TSNARE1: variants seen among roughly 807,000 people sequenced by gnomAD.
TSNARE1 encodes the protein t-SNARE domain-containing protein 1.
Under a neutral mutation model 62.0 loss-of-function variants are expected in TSNARE1, and 49 were observed. The ratio of observed to expected loss-of-function variants is 0.79; its 90% CI spans 0.63 to 1.00. TSNARE1 has a LOEUF of 1.00. Among genes scored for constraint, TSNARE1 ranks in the 50% least tolerant of loss-of-function variants. The pLI is 0.00. For synonymous variants in TSNARE1, 328 were observed against 294.4 expected (o/e 1.11, Z -1.17); for missense variants, 755 against 700.1 (o/e 1.08, Z -0.88).
At chr8:142,354,273 T>C (rs1216344445) in intron 2 of TSNARE1, among the ~76,000 whole-genome samples, 1 of 151,972 alleles carries the variant, frequency 6.6e-6, no homozygotes, top group South Asian at 2.1e-4. Context: ...CTGTACAGAG[T>C]GCAAAGTGCC....
At chr8:142,361,869 GCCGGGAGCCCTCAGCCGCGCCCCA>G (rs1402338760) in intron 1 of TSNARE1, among the ~76,000 whole-genome samples, 1 of 152,212 alleles carries the variant, frequency 6.6e-6, no homozygotes. Flanking sequence ...GCTGCAGACC[GCCGGGAGCCCTCAGCCGCGCCCCA>G]CCACAGGGAG....
chr8:142,371,673 G>T (rs1468396814), intron 1 of TSNARE1, among the ~76,000 whole-genome samples: 1 of 152,124 alleles, frequency 6.6e-6, no homozygotes, highest in African/African-American at 2.4e-5. Context: ...GTATCGAGGT[G>T]GTGGTTCCAG....
intron 12 of TSNARE1, among the ~76,000 whole-genome samples, chr8:142,231,025 A>G (rs1481728727): frequency 6.6e-6 from 1 of 151,972 alleles, no homozygotes; most frequent in Admixed American, 6.6e-5. Context: ...CCATCCATCC[A>G]TCTACCCACC....
chr8:142,378,746 G>T (rs890485057), intron 1 of TSNARE1, among the ~76,000 whole-genome samples: 3 of 152,210 alleles, frequency 2.0e-5, no homozygotes. Flanking sequence ...AGCTGCTCCT[G>T]GTGGGCCTCA....
chr8:142,398,031 A>G (rs1414221179), intron 1 of TSNARE1, among the ~76,000 whole-genome samples: 2 of 152,054 alleles, frequency 1.3e-5, no homozygotes, highest in East Asian at 3.9e-4. Flanking sequence ...AGACCCTCAC[A>G]GGCTGACCCG....
intron 11 of TSNARE1, chr8:142,277,081 C>A: frequency 2.0e-6 from 2 of 985,356 alleles, no homozygotes; most frequent in Non-Finnish European, 2.4e-6. Flanking sequence ...TCCAATACCT[C>A]ATCAGCCATC....
At chr8:142,294,170 G>A (rs545511220) in intron 10 of TSNARE1, among the ~76,000 whole-genome samples, 42 of 152,090 alleles carry the variant, frequency 2.8e-4, no homozygotes, top group Non-Finnish European at 4.9e-4. Flanking sequence ...GAGGGAAGGT[G>A]GAGGGCGGTG....
At chr8:142,232,488 G>A (rs755575316) in intron 12 of TSNARE1, among the ~76,000 whole-genome samples, 5 of 152,346 alleles carry the variant, frequency 3.3e-5, no homozygotes, top group Admixed American at 6.5e-5. Context: ...AGGGGAGGGC[G>A]GCCGCAGGGA....
chr8:142,317,034 A>G (rs975746415), intron 7 of TSNARE1, among the ~76,000 whole-genome samples: 2 of 151,890 alleles, frequency 1.3e-5, no homozygotes, highest in Admixed American at 1.3e-4. Context: ...CACACTGTGC[A>G]CGTGAAGCAG....
intron 2 of TSNARE1, among the ~76,000 whole-genome samples, chr8:142,353,877 G>GGAC (rs1211308674): frequency 1.3e-4 from 20 of 152,082 alleles, no homozygotes; most frequent in African/African-American, 2.4e-4. Context: ...ACAGCTGTTA[G>GGAC]GCTGAGCCCG....
intron 12 of TSNARE1, among the ~76,000 whole-genome samples, chr8:142,236,858 C>T (rs1450277036): frequency 6.6e-6 from 1 of 152,204 alleles, no homozygotes; most frequent in African/African-American, 2.4e-5. Context: ...ACAAAGACCC[C>T]GCCCTGGCGC....
chr8:142,278,704 C>T lies in TSNARE1; in HGVS notation c.1364-3841G>A, dbSNP rs923810135. 1.6e-5 allele frequency: 16 copies of T among 985,320 alleles called. No homozygotes were observed. In the African/African-American group the frequency reaches 2.4e-4, roughly 15 times the overall value. 61.0% of individuals were successfully genotyped at this position (985,320 alleles called of 1,614,324 possible). A position where few individuals can be genotyped will look rare whatever the true frequency, so the allele number is the denominator to read the frequency against. On this transcript the variant is annotated intron_variant, in intron 11 of 13. Coordinates refer to ENST00000524325, the MANE Select transcript of TSNARE1 (RefSeq NM_145003.5). ...TGACCAGACAGAAACGCCTGGCTTC[C>T]GGTGGTCCCTGGAGTGGGCCCGTGG...
At chr8:142,379,902 C>G (rs541525512) in intron 1 of TSNARE1, among the ~76,000 whole-genome samples, 1 of 152,198 alleles carries the variant, frequency 6.6e-6, no homozygotes, top group Admixed American at 6.5e-5. Flanking sequence ...TCTGTGGTCC[C>G]TGAGGGAAAG....
At chr8:142,279,668 G>T (rs868809102) in intron 11 of TSNARE1, among the ~76,000 whole-genome samples, 1 of 152,112 alleles carries the variant, frequency 6.6e-6, no homozygotes, top group African/African-American at 2.4e-5. Context: ...CCCTGGCCCC[G>T]ACCCTTGGTT....
chr8:142,289,984 A>G (rs778366360), intron 10 of TSNARE1, among the ~76,000 whole-genome samples: 89 of 152,150 alleles, frequency 5.8e-4, no homozygotes, highest in Non-Finnish European at 1.0e-3. Context: ...GCAGGCAGCT[A>G]GCATGGGTGG....
chr8:142,270,215 C>T (rs894170646), intron 12 of TSNARE1: 111 of 985,132 alleles, frequency 1.1e-4, no homozygotes, highest in African/African-American at 1.6e-4. Context: ...GTGGCAGCCC[C>T]GCCAAGGGAT....
At chr8:142,368,256 GAAAC>G (rs1381413394) in intron 1 of TSNARE1, among the ~76,000 whole-genome samples, 2 of 151,856 alleles carry the variant, frequency 1.3e-5, no homozygotes, top group Admixed American at 6.6e-5. Context: ...AAACTACAGG[GAAAC>G]AAACAAAAAA....
At chr8:142,369,574 A>C (rs1835783593) in intron 1 of TSNARE1, among the ~76,000 whole-genome samples, 1 of 152,238 alleles carries the variant, frequency 6.6e-6, no homozygotes, top group African/African-American at 2.4e-5. Flanking sequence ...TTCTATGTGA[A>C]AGGTCCCAGT....
At chr8:142,265,205 TCCCACCACC>T (rs1233189354) in intron 12 of TSNARE1, among the ~76,000 whole-genome samples, 1 of 151,982 alleles carries the variant, frequency 6.6e-6, no homozygotes, top group Non-Finnish European at 1.5e-5. Flanking sequence ...TACAAAACTG[TCCCACCACC>T]ACAAGGCTCT....
Sources: allele counts gnomAD v4.1 joint callset (sites outside exome capture counted in the v4.1 genomes callset), GRCh38; gene constraint gnomAD v4.1.1; transcripts MANE v1.5; gene names NCBI Gene and HGNC (gene_info 2026-07-23, HGNC 2026-07-21).